Variants in NPFFR2 observed in about 807,000 individuals in gnomAD.
The protein encoded by NPFFR2 is G-protein coupled receptor 74.
Under a neutral mutation model 13.1 loss-of-function variants are expected in NPFFR2, and 15 were observed. That is an observed-to-expected ratio of 1.15 (90% CI 0.77 to 1.76). The LOEUF (loss-of-function observed/expected upper bound fraction) is 1.76, where lower values mean the gene tolerates loss of function less well. Among genes scored for constraint, NPFFR2 ranks in the 40% most tolerant of loss-of-function variants. The pLI, the probability that NPFFR2 is intolerant of heterozygous loss-of-function variation, is 0.00. For missense variants in NPFFR2, 572 were observed against 503.5 expected (o/e 1.14, Z -1.30); for synonymous variants, 190 against 175.7 (o/e 1.08, Z -0.65).
In NPFFR2 at chr4:72,105,596, A is replaced by T. The variant is rs78767861; in HGVS notation, c.-7-22989A>T. 2.9e-3 allele frequency among the ~76,000 whole-genome samples: 448 copies of T among 152,198 alleles called. 2 individuals carry two copies. The highest frequency in any genetic ancestry group is 0.011 in the African/African-American group (440 of 41,546). On this transcript the variant is annotated intron_variant, in intron 1 of 3. Transcript: ENST00000308744. ...ATACAAAAAGGAGTGGAAATTTTAT[A>T]ATTGACTAACACCAGGTTATAGGTT...
intron 3 of NPFFR2, among the ~76,000 whole-genome samples, chr4:72,144,822 C>A (rs1383790707): frequency 6.6e-6 from 1 of 152,166 alleles, no homozygotes; most frequent in Non-Finnish European, 1.5e-5. Flanking sequence ...ACTTTGCTGG[C>A]ACTCTCCAAA....
intron 1 of NPFFR2, among the ~76,000 whole-genome samples, chr4:72,060,642 C>CT (rs1456693460): frequency 2.6e-5 from 4 of 151,936 alleles, no homozygotes; most frequent in African/African-American, 9.7e-5. Flanking sequence ...AATTCTGAAC[C>CT]TTTGGGGGAA....
intron 3 of NPFFR2, among the ~76,000 whole-genome samples, chr4:72,140,833 T>A (rs1182618686): frequency 1.3e-5 from 2 of 152,044 alleles, no homozygotes; most frequent in Admixed American, 1.3e-4. Context: ...TTTCAGAAGG[T>A]ATAGTACCAG....
intron 1 of NPFFR2, among the ~76,000 whole-genome samples, chr4:72,065,882 A>C (rs1720055718): frequency 6.6e-6 from 1 of 152,142 alleles, no homozygotes; most frequent in South Asian, 2.1e-4. Flanking sequence ...GTGTCAGCTT[A>C]TCCACTTCCC....
intron 1 of NPFFR2, among the ~76,000 whole-genome samples, chr4:72,087,974 T>G (rs1188885053): frequency 6.6e-6 from 1 of 151,912 alleles, no homozygotes; most frequent in Non-Finnish European, 1.5e-5. Context: ...CCTTGAAAAT[T>G]AAATGGGAGG....
Position 72,138,046 on chromosome 4 carries a change from C to T in NPFFR2, c.335C>T (p.Pro112Leu). ...TLLDNIIAGW[P>L]FGNTMCKISG... The stretch of plus-strand genomic sequence containing the variant: ...TGTTTCATTTTCCTTTCAGGATGGC[C>T]ATTTGGAAACACGATGTGCAAGATC... The change falls in exon 3 of 4, where the codon CCA becomes CTA. Residue 112 changes from proline to leucine, a missense_variant. By Grantham distance (98) the Pro-to-Leu change is moderately conservative. Transcript: ENST00000308744. The T allele has an allele frequency of 6.2e-7, 1 of 1,610,778 alleles. No homozygotes were observed. Among genetic ancestry groups the T allele is most frequent in the South Asian group, 1.1e-5 (1 of 90,706 alleles).
At position 72,147,845 on chromosome 4, in the gene NPFFR2, C is replaced by G. The variant is rs200069388; in HGVS notation, c.*33C>G. ...TAGTGTGATAATCCTAACTCTACTA[C>G]GCATTATATATTTAAATCCATTGCT... is the stretch of plus-strand genomic sequence containing the variant. On this transcript the variant is annotated 3_prime_UTR_variant, in exon 4 of 4. Coordinates refer to ENST00000308744, the MANE Select transcript of NPFFR2 (RefSeq NM_004885.3). 1 of 1,388,214 alleles carries G rather than the reference C, an allele frequency of 7.2e-7. No individual in the cohort carries two copies. Among genetic ancestry groups the G allele is most frequent in the African/African-American group, 1.4e-5 (1 of 69,014 alleles). 86.0% of individuals were successfully genotyped at this position (1,388,214 alleles called of 1,614,324 possible). A position where few individuals can be genotyped will look rare whatever the true frequency, so the allele number is the denominator to read the frequency against.
At chr4:72,076,006 C>CACACAGAG (rs746237728) in intron 1 of NPFFR2, among the ~76,000 whole-genome samples, 6 of 122,832 alleles carry the variant, frequency 4.9e-5, no homozygotes, top group East Asian at 4.2e-4. Flanking sequence ...CACACACACA[C>CACACAGAG]AGAGAGAGAG....
chr4:72,139,441 T>C (rs1293449699), intron 3 of NPFFR2, among the ~76,000 whole-genome samples: 1 of 152,180 alleles, frequency 6.6e-6, no homozygotes, highest in African/African-American at 2.4e-5. Context: ...TTGTGTGAGG[T>C]ATAAGGAAAG....
At chr4:72,082,604 C>T (rs1370682791) in intron 1 of NPFFR2, among the ~76,000 whole-genome samples, 3 of 152,110 alleles carry the variant, frequency 2.0e-5, no homozygotes, top group Non-Finnish European at 4.4e-5. Flanking sequence ...GGAATGATTA[C>T]ATCAGGCTGA....
chr4:72,104,308 A>C (rs746765563), intron 1 of NPFFR2, among the ~76,000 whole-genome samples: 2 of 152,034 alleles, frequency 1.3e-5, no homozygotes, highest in South Asian at 4.1e-4. Context: ...TTTGGCATTT[A>C]TTCATTTTCT....
intron 1 of NPFFR2, among the ~76,000 whole-genome samples, chr4:72,122,074 A>G (rs1048632880): frequency 2.6e-5 from 4 of 151,830 alleles, no homozygotes; most frequent in African/African-American, 9.7e-5. Flanking sequence ...AGGCAAATGA[A>G]AAGCAAAAAA....
Position 72,059,335 on chromosome 4 carries a change from A to G in NPFFR2, c.-8+27135A>G, listed in dbSNP as rs141408723. ...GTATACTACTATCTCTGCACACTGA[A>G]AACAAAAAACTGGTTTTTTGACTAG... is the stretch of plus-strand genomic sequence containing the variant. On this transcript the variant is annotated intron_variant, in intron 1 of 3. Coordinates refer to ENST00000308744, the MANE Select transcript of NPFFR2 (RefSeq NM_004885.3). Among the ~76,000 whole-genome samples the G allele has an allele frequency of 3.9e-3, 587 of 152,198 alleles. 3 individuals are homozygous for G. The highest frequency in any genetic ancestry group is 0.014 in the African/African-American group (564 of 41,534).
intron 1 of NPFFR2, among the ~76,000 whole-genome samples, chr4:72,085,055 TA>T (rs11407684): frequency 3.3e-5 from 5 of 150,546 alleles, no homozygotes; most frequent in African/African-American, 1.2e-4. Context: ...ATAATGTGCT[TA>T]AAAAAAAAGT....
At chr4:72,041,725 G>C (rs4605618) in intron 1 of NPFFR2, among the ~76,000 whole-genome samples, 10,163 of 152,176 alleles carry the variant, frequency 0.067, 969 homozygotes, top group East Asian at 0.47. Flanking sequence ...ACTGTGGTTT[G>C]ATTTGCATTT....
At chr4:72,059,792 TG>T (rs2109773425) in intron 1 of NPFFR2, among the ~76,000 whole-genome samples, 1 of 152,220 alleles carries the variant, frequency 6.6e-6, no homozygotes, top group East Asian at 1.9e-4. Context: ...GCAGACCTAC[TG>T]GGTCTACTGT....
chr4:72,083,873 G>A (rs1324161860), intron 1 of NPFFR2, among the ~76,000 whole-genome samples: 1 of 152,046 alleles, frequency 6.6e-6, no homozygotes, highest in African/African-American at 2.4e-5. Flanking sequence ...TTCCAACATA[G>A]GTAAATGTTA....
rs181982562 is a variant in NPFFR2 at position 72,082,250 on chromosome 4, A to G, written c.-7-46335A>G. 2.7e-3 allele frequency among the ~76,000 whole-genome samples: 410 copies of G among 152,288 alleles called. 2 individuals are homozygous for G. Among genetic ancestry groups the G allele is most frequent in the African/African-American group, 9.0e-3 (376 of 41,574 alleles). On this transcript the variant is annotated intron_variant, in intron 1 of 3. Transcript: ENST00000308744. ...GCATAAGACTAATTTAGAAAGAACC[A>G]CTTTCAAGACAACTTCCTTCAAGGA...
chr4:72,082,826 C>T (rs1720666906), intron 1 of NPFFR2, among the ~76,000 whole-genome samples: 1 of 152,098 alleles, frequency 6.6e-6, no homozygotes, highest in Admixed American at 6.6e-5. Context: ...CACCCCAGCC[C>T]CCACTCCCTG....
Sources: gnomAD v4.1 joint callset for allele counts (sites outside exome capture counted in the v4.1 genomes callset) on GRCh38, gnomAD v4.1.1 for gene constraint, MANE v1.5 for transcripts, NCBI Gene and HGNC (gene_info 2026-07-23, HGNC 2026-07-21) for gene names.